Variants in TMEM132D observed in about 807,000 individuals in gnomAD.
The protein encoded by TMEM132D is transmembrane protein 132D.
TMEM132D carries 21 observed loss-of-function variants against 62.3 expected under a neutral mutation model. That is an observed-to-expected ratio of 0.34 (90% confidence interval 0.24 to 0.49). The LOEUF (loss-of-function observed/expected upper bound fraction) is 0.49. TMEM132D is among the 20% of genes least tolerant of loss of function. TMEM132D has a pLI of 0.99. For synonymous variants in TMEM132D, 621 were observed against 575.6 expected (o/e 1.08, Z -1.13); for missense variants, 1,346 against 1,402.8 (o/e 0.96, Z 0.65).
At chr12:129,298,918 C>A (rs990745258) in intron 4 of TMEM132D, among the ~76,000 whole-genome samples, 2 of 152,182 alleles carry the variant, frequency 1.3e-5, no homozygotes, top group African/African-American at 4.8e-5. Context: ...CTCCTCTTAG[C>A]ACGAGACTTA....
At chr12:129,471,777 C>T (rs1874099109) in intron 3 of TMEM132D, among the ~76,000 whole-genome samples, 1 of 152,154 alleles carries the variant, frequency 6.6e-6, no homozygotes, top group South Asian at 2.1e-4. Flanking sequence ...AGTGAATACA[C>T]AAATGATAAG....
chr12:129,407,889 CAAAA>C (rs34385881), intron 3 of TMEM132D, among the ~76,000 whole-genome samples: 3,781 of 95,996 alleles, frequency 0.039, 65 homozygotes, highest in Non-Finnish European at 0.058. Context: ...GACTCCGACT[CAAAA>C]AAAAAAAAAA....
chr12:129,752,317 G>A (rs2137268287), intron 1 of TMEM132D, among the ~76,000 whole-genome samples: 1 of 152,266 alleles, frequency 6.6e-6, no homozygotes, highest in African/African-American at 2.4e-5. Context: ...AAAACTCCAA[G>A]AGTGTGAGAC....
At chr12:129,331,365 C>T (rs1593339901) in intron 4 of TMEM132D, among the ~76,000 whole-genome samples, 1 of 152,084 alleles carries the variant, frequency 6.6e-6, no homozygotes, top group East Asian at 1.9e-4. Context: ...GCACCAGGTC[C>T]CTGTAGGGCT....
intron 3 of TMEM132D, among the ~76,000 whole-genome samples, chr12:129,464,374 C>T (rs1379992398): frequency 6.6e-6 from 1 of 152,042 alleles, no homozygotes; most frequent in Non-Finnish European, 1.5e-5. Context: ...GATATTAGCC[C>T]TTTGTCAGAT....
At chr12:129,168,797 G>T (rs953636830) in intron 5 of TMEM132D, among the ~76,000 whole-genome samples, 10 of 152,134 alleles carry the variant, frequency 6.6e-5, no homozygotes, top group Admixed American at 6.5e-4. Flanking sequence ...TCCAGATATT[G>T]CCAAATGTCC....
chr12:129,185,520 AT>A (rs1470831451), intron 5 of TMEM132D, among the ~76,000 whole-genome samples: 1 of 151,734 alleles, frequency 6.6e-6, no homozygotes, highest in African/African-American at 2.4e-5. Flanking sequence ...TTGTTCTTTT[AT>A]TTTTCATCAC....
intron 1 of TMEM132D, among the ~76,000 whole-genome samples, chr12:129,764,953 A>C (rs1870505183): frequency 6.6e-6 from 1 of 152,128 alleles, no homozygotes; most frequent in Non-Finnish European, 1.5e-5. Flanking sequence ...AAAGAAAAAG[A>C]AAACACCCCA....
At chr12:129,807,985 A>C (rs868618591) in intron 1 of TMEM132D, among the ~76,000 whole-genome samples, 5 of 152,206 alleles carry the variant, frequency 3.3e-5, no homozygotes, top group Admixed American at 1.3e-4. Flanking sequence ...AGAAAACCAC[A>C]AGAAATGTAA....
chr12:129,481,492 T>C (rs1593031008), intron 3 of TMEM132D, among the ~76,000 whole-genome samples: 1 of 147,906 alleles, frequency 6.8e-6, no homozygotes, highest in Admixed American at 6.7e-5. Flanking sequence ...CACAAAACTG[T>C]AAGACAAACT....
At chr12:129,574,579 T>C (rs930022746) in intron 2 of TMEM132D, among the ~76,000 whole-genome samples, 3 of 151,806 alleles carry the variant, frequency 2.0e-5, no homozygotes, top group African/African-American at 4.9e-5. Context: ...TGTTGAACAA[T>C]GGTTAGGAGC....
chr12:129,815,271 T>C (rs1274035404), intron 1 of TMEM132D, among the ~76,000 whole-genome samples: 1 of 152,094 alleles, frequency 6.6e-6, no homozygotes, highest in African/African-American at 2.4e-5. Context: ...CAGAAAAAAA[T>C]CCAGAATGCA....
chr12:129,619,488 C>T (rs1247728749), intron 2 of TMEM132D, among the ~76,000 whole-genome samples: 2 of 152,196 alleles, frequency 1.3e-5, no homozygotes, highest in African/African-American at 2.4e-5. Context: ...TTCCCTATGT[C>T]TACATAATTT....
At chr12:129,829,548 G>A (rs1872766327) in intron 1 of TMEM132D, among the ~76,000 whole-genome samples, 1 of 152,162 alleles carries the variant, frequency 6.6e-6, no homozygotes, top group Non-Finnish European at 1.5e-5. Context: ...CTTGTCTACA[G>A]AGGTCAATGT....
At chr12:129,410,221 G>C (rs1171759371) in intron 3 of TMEM132D, among the ~76,000 whole-genome samples, 1 of 152,134 alleles carries the variant, frequency 6.6e-6, no homozygotes, top group African/African-American at 2.4e-5. Context: ...GACCACAGAG[G>C]GACAGGGGTT....
At chr12:129,365,150 T>C (rs1870365062) in intron 3 of TMEM132D, among the ~76,000 whole-genome samples, 2 of 152,166 alleles carry the variant, frequency 1.3e-5, no homozygotes, top group Non-Finnish European at 2.9e-5. Flanking sequence ...GCAATTTAGT[T>C]GTCAGGTGTA....
chr12:129,651,878 G>A (rs1356043914), intron 2 of TMEM132D, among the ~76,000 whole-genome samples: 3 of 152,272 alleles, frequency 2.0e-5, no homozygotes, highest in African/African-American at 7.2e-5. Flanking sequence ...CAGGAGAATT[G>A]CAAAAGACTT....
intron 3 of TMEM132D, among the ~76,000 whole-genome samples, chr12:129,421,948 G>A (rs1331558854): frequency 1.3e-5 from 2 of 152,100 alleles, no homozygotes; most frequent in East Asian, 3.8e-4. Flanking sequence ...CCAAAGTGAA[G>A]GTACAGAACA....
intron 3 of TMEM132D, among the ~76,000 whole-genome samples, chr12:129,387,076 C>A (rs1871125963): frequency 6.6e-6 from 1 of 151,938 alleles, no homozygotes; most frequent in African/African-American, 2.4e-5. Context: ...CAAACACCAA[C>A]ACGAACACTA....
Sources: gnomAD v4.1 joint callset for allele counts (sites outside exome capture counted in the v4.1 genomes callset) on GRCh38, gnomAD v4.1.1 for gene constraint, MANE v1.5 for transcripts, NCBI Gene and HGNC (gene_info 2026-07-23, HGNC 2026-07-21) for gene names.